The following DUT variants were observed in gnomAD, a reference collection of about 807,000 sequenced individuals.
The protein encoded by DUT is deoxyuridine triphosphatase.
In DUT, 21 loss-of-function variants were observed where a neutral mutation model predicts 28.8. The observed-to-expected ratio is 0.73, with a 90% confidence interval of 0.52 to 1.05. The LOEUF (loss-of-function observed/expected upper bound fraction) is 1.05, where lower values mean the gene tolerates loss of function less well. Ranked by LOEUF, DUT falls within the 50% of genes least tolerant of loss-of-function variation. The pLI is 0.00. For missense variants in DUT, 344 were observed against 351.8 expected (o/e 0.98, Z 0.18); for synonymous variants, 147 against 143.7 (o/e 1.02, Z -0.17).
chr15:48,341,730 T>A (rs1227658935), intron 6 of DUT, 145 bp downstream of exon 6: 3 of 713,464 alleles, frequency 4.2e-6, no homozygotes, highest in Non-Finnish European at 6.8e-6. Context: ...AAATACTAGT[T>A]TTAGAATTTC....
At chr15:48,339,975 A>G (rs2042515861) in intron 4 of DUT, among the ~76,000 whole-genome samples, 1 of 152,096 alleles carries the variant, frequency 6.6e-6, no homozygotes, top group African/African-American at 2.4e-5. Flanking sequence ...AATTGAAAGG[A>G]TATGCTTAGG....
At chr15:48,331,354 C>A, upstream of DUT, 1 of 1,456,134 alleles carries the variant, frequency 6.9e-7, no homozygotes, top group Non-Finnish European at 9.0e-7. Flanking sequence ...AGGGCCTGCG[C>A]CATCCCTGGG....
At chr15:48,341,690 A>G (rs1470462317) in intron 6 of DUT, 105 bp downstream of exon 6, 16 of 942,238 alleles carry the variant, frequency 1.7e-5, no homozygotes, top group Non-Finnish European at 2.4e-5. Context: ...TAAATAGTAT[A>G]TATGACTAAA....
chr15:48,338,429 T>G (rs755970666), intron 4 of DUT, among the ~76,000 whole-genome samples: 2 of 152,034 alleles, frequency 1.3e-5, no homozygotes, highest in Non-Finnish European at 2.9e-5. Context: ...TAGAAGATAC[T>G]ATAAAGCCAA....
At chr15:48,332,454 G>T in intron 2 of DUT, 48 bp downstream of exon 2, 1 of 1,438,926 alleles carries the variant, frequency 6.9e-7, no homozygotes, top group South Asian at 1.3e-5. Flanking sequence ...CCGGCCGTCC[G>T]CTGCCACAGC....
chr15:48,336,439 T>C (rs1190339243), intron 4 of DUT, among the ~76,000 whole-genome samples: 1 of 152,200 alleles, frequency 6.6e-6, no homozygotes, highest in African/African-American at 2.4e-5. Flanking sequence ...AGAAAATCTT[T>C]CCCTGAAGTC....
Position 48,342,113 on chromosome 15 carries a change from C to G in DUT, c.*35C>G. On this transcript the variant is annotated 3_prime_UTR_variant, in exon 7 of 7. Coordinates refer to ENST00000331200, the MANE Select transcript of DUT (RefSeq NM_001025248.2). ...CAAGAACAGAAAACAAGAAGTCATA[C>G]CTTTTTCTTAAAAAAAAAAAAAAAG... is the stretch of plus-strand genomic sequence containing the variant. 7.1e-7 allele frequency: 1 copy of G among 1,418,400 alleles called. No individual in the cohort carries two copies. 87.9% of individuals were successfully genotyped at this position (1,418,400 alleles called of 1,614,324 possible). A position where few individuals can be genotyped will look rare whatever the true frequency, so the allele number is the denominator to read the frequency against.
At chr15:48,338,170 T>G (rs2042494144) in intron 4 of DUT, among the ~76,000 whole-genome samples, 1 of 152,116 alleles carries the variant, frequency 6.6e-6, no homozygotes, top group Non-Finnish European at 1.5e-5. Flanking sequence ...CTACTGAAAT[T>G]TTTATACCGT....
At chr15:48,334,352 C>T (rs1216725082) in intron 2 of DUT, 65 bp from the exon 3 acceptor site, 1 of 1,151,390 alleles carries the variant, frequency 8.7e-7, no homozygotes, top group African/African-American at 1.6e-5. Context: ...TGCTTGGTCA[C>T]AAAGAAAATA....
intron 4 of DUT, among the ~76,000 whole-genome samples, chr15:48,339,636 C>T (rs991840493): frequency 2.0e-5 from 3 of 152,024 alleles, no homozygotes; most frequent in South Asian, 2.1e-4. Context: ...GGTCAACTGA[C>T]GGTGGAGAAA....
chr15:48,336,586 T>C (rs1364452701), intron 4 of DUT, among the ~76,000 whole-genome samples: 2 of 152,204 alleles, frequency 1.3e-5, no homozygotes, highest in African/African-American at 4.8e-5. Flanking sequence ...GAACCCTCAG[T>C]GTCCTCTGCT....
At chr15:48,338,760 T>C (rs1272209510) in intron 4 of DUT, among the ~76,000 whole-genome samples, 2 of 152,202 alleles carry the variant, frequency 1.3e-5, no homozygotes, top group Admixed American at 1.3e-4. Flanking sequence ...TACAAGGATA[T>C]ACTTAAAGGG....
chr15:48,331,833 G>A, intron 1 of DUT, 38 bp downstream of exon 1: 4 of 1,195,886 alleles, frequency 3.3e-6, no homozygotes, highest in Non-Finnish European at 4.2e-6. Context: ...CCGTCTGGAA[G>A]GAATCCACGC....
chr15:48,331,131 C>T, upstream of DUT: 1 of 1,292,918 alleles, frequency 7.7e-7, no homozygotes, highest in Non-Finnish European at 9.9e-7. Context: ...GCGGTTCCGG[C>T]GCTTAGGGCG....
Position 48,342,272 on chromosome 15 carries a change from T to G in DUT, c.*194T>G. The G allele has an allele frequency of 5.5e-6, 2 of 360,500 alleles. No individual in the cohort carries two copies. The highest frequency in any genetic ancestry group is 4.9e-6 in the Non-Finnish European group (1 of 202,428). 22.3% of individuals were successfully genotyped at this position (360,500 alleles called of 1,614,324 possible). ...AAAAAAAAACACAAAGAAGTTTTTCTTTGTGTTTGGATCAAAAAGAAACTT... is the reference window on the plus strand; with the variant it reads ...AAAAAAAAACACAAAGAAGTTTTTCGTTGTGTTTGGATCAAAAAGAAACTT... On this transcript the variant is annotated 3_prime_UTR_variant, in exon 7 of 7. Transcript: ENST00000331200.
At chr15:48,332,201 T>A (rs1050451172) in intron 1 of DUT, 67 bp from the exon 2 acceptor site, 2 of 1,512,858 alleles carry the variant, frequency 1.3e-6, no homozygotes, top group Non-Finnish European at 1.8e-6. Context: ...ACGCTCATCG[T>A]GCGCTCTCCT....
rs751396653 is a variant in DUT, at chr15:48,336,032, T to C, written c.512-14T>C. 59 of 1,603,670 alleles carry C rather than the reference T, an allele frequency of 3.7e-5. 1 individual carries two copies. The highest frequency in any genetic ancestry group is 3.3e-4 in the Middle Eastern group (2 of 6,064). Reference sequence around the variant, plus strand: ...CCCCTTAAAATAACCAATGTCTCCTTTTTTGTTTTTTAGCTCCACGGTCAG... The same window carrying C: ...CCCCTTAAAATAACCAATGTCTCCTCTTTTGTTTTTTAGCTCCACGGTCAG... On this transcript the variant is annotated splice_polypyrimidine_tract_variant and intron_variant, in intron 3 of 6. Coordinates refer to ENST00000331200, the MANE Select transcript of DUT (RefSeq NM_001025248.2).
rs1167071251 is a variant in DUT, at chr15:48,332,395, C to T, written c.408C>T (p.Tyr136=). The T allele has an allele frequency of 6.4e-7, 1 of 1,574,148 alleles. No individual in the cohort carries two copies. The highest frequency in any genetic ancestry group is 1.4e-5 in the African/African-American group (1 of 73,822). The change falls in exon 2 of 7, where the codon TAC becomes TAT. Residue 136 remains tyrosine, a synonymous_variant. Transcript: ENST00000331200. ...PTRGSARAAG[Y]DLYSAYDYTI... Reference sequence around the variant, plus strand: ...GGGGCTCCGCGCGCGCCGCGGGCTACGACCTGTACAGGTGAGCGGGGACCT... The same window carrying T: ...GGGGCTCCGCGCGCGCCGCGGGCTATGACCTGTACAGGTGAGCGGGGACCT...
intron 1 of DUT, chr15:48,332,045 C>A: frequency 8.9e-7 from 1 of 1,120,410 alleles, no homozygotes; most frequent in Non-Finnish European, 1.2e-6. Flanking sequence ...TTTCCCATCC[C>A]AAACCTGCTT....
Sources: gnomAD v4.1 joint callset for allele counts (sites outside exome capture counted in the v4.1 genomes callset) on GRCh38, gnomAD v4.1.1 for gene constraint, MANE v1.5 for transcripts, NCBI Gene and HGNC (gene_info 2026-07-23, HGNC 2026-07-21) for gene names.